Variants in CCDC85A observed in about 807,000 individuals in gnomAD.
CCDC85A encodes coiled-coil domain containing 85A.
A neutral mutation model predicts 50.2 loss-of-function variants in CCDC85A; 38 were observed. The observed-to-expected ratio is 0.76, with a 90% CI of 0.58 to 0.99. The LOEUF (loss-of-function observed/expected upper bound fraction) is 0.99, where lower values mean the gene tolerates loss of function less well. CCDC85A is among the 50% of genes least tolerant of loss of function. CCDC85A has a pLI of 0.00. For missense variants in CCDC85A, 820 were observed against 742.0 expected (o/e 1.11, Z -1.22); for synonymous variants, 366 against 301.4 (o/e 1.21, Z -2.22).
intron 2 of CCDC85A, among the ~76,000 whole-genome samples, chr2:56,230,030 A>G (rs1668711847): frequency 1.3e-5 from 2 of 152,220 alleles, no homozygotes; most frequent in African/African-American, 2.4e-5. Context: ...CAGTAAAATT[A>G]TGCTTGAGTA....
intron 2 of CCDC85A, among the ~76,000 whole-genome samples, chr2:56,300,525 C>G (rs913403840): frequency 6.6e-6 from 1 of 152,110 alleles, no homozygotes; most frequent in African/African-American, 2.4e-5. Flanking sequence ...AAGAAGCTTA[C>G]TCTAGAATCT....
At chr2:56,372,555 A>T in intron 4 of CCDC85A, 77 bp downstream of exon 4, 4 of 1,370,462 alleles carry the variant, frequency 2.9e-6, no homozygotes, top group Non-Finnish European at 3.8e-6. Flanking sequence ...AAAAAGTTAT[A>T]CTGGGGGGTA....
chr2:56,307,175 TGC>T (rs1672482820), intron 2 of CCDC85A, among the ~76,000 whole-genome samples: 1 of 152,184 alleles, frequency 6.6e-6, no homozygotes, highest in East Asian at 1.9e-4. Flanking sequence ...ATAAATAAAC[TGC>T]TTTCAAACTC....
At chr2:56,278,908 G>A in intron 2 of CCDC85A, among the ~76,000 whole-genome samples, 1 of 152,266 alleles carries the variant, frequency 6.6e-6, no homozygotes, top group African/African-American at 2.4e-5. Flanking sequence ...TTTCTTCCAG[G>A]TTACTTTCTC....
At chr2:56,297,345 G>A (rs1671998014) in intron 2 of CCDC85A, among the ~76,000 whole-genome samples, 1 of 150,986 alleles carries the variant, frequency 6.6e-6, no homozygotes, top group African/African-American at 2.4e-5. Context: ...GTGCTTTGAA[G>A]ACCACATCTT....
chr2:56,305,906 A>G (rs1030644691), intron 2 of CCDC85A, among the ~76,000 whole-genome samples: 1 of 152,214 alleles, frequency 6.6e-6, no homozygotes, highest in Non-Finnish European at 1.5e-5. Flanking sequence ...CAAAGTGACA[A>G]TGTGAAGATT....
chr2:56,261,378 C>G (rs1670212130), intron 2 of CCDC85A, among the ~76,000 whole-genome samples: 1 of 152,222 alleles, frequency 6.6e-6, no homozygotes, highest in Non-Finnish European at 1.5e-5. Flanking sequence ...CAAAGTGACT[C>G]TGGCACAGCC....
At chr2:56,221,808 C>T (rs1357499560) in intron 2 of CCDC85A, among the ~76,000 whole-genome samples, 1 of 152,056 alleles carries the variant, frequency 6.6e-6, no homozygotes, top group Non-Finnish European at 1.5e-5. Context: ...TTTCTTACTA[C>T]ATGTGTTATC....
At chr2:56,285,171 A>G (rs917054572) in intron 2 of CCDC85A, among the ~76,000 whole-genome samples, 1 of 150,322 alleles carries the variant, frequency 6.7e-6, no homozygotes, top group Non-Finnish European at 1.5e-5. Flanking sequence ...GCACAATCTC[A>G]GCTCACTGCA....
intron 2 of CCDC85A, among the ~76,000 whole-genome samples, chr2:56,327,298 G>C (rs1468330269): frequency 6.6e-6 from 1 of 152,120 alleles, no homozygotes; most frequent in East Asian, 1.9e-4. Context: ...ATTCATGTTT[G>C]ATTACTGAAA....
At chr2:56,289,951 G>C (rs111246817) in intron 2 of CCDC85A, among the ~76,000 whole-genome samples, 1,614 of 152,058 alleles carry the variant, frequency 0.011, 28 homozygotes, top group African/African-American at 0.035. Context: ...CTTGTCTCTG[G>C]TACTAGGCTA....
At chr2:56,316,078 A>G (rs916475022) in intron 2 of CCDC85A, among the ~76,000 whole-genome samples, 1 of 152,120 alleles carries the variant, frequency 6.6e-6, no homozygotes, top group South Asian at 2.1e-4. Flanking sequence ...TTGGCAAGGA[A>G]CATAGTGTCA....
chr2:56,231,800 C>T (rs1668786364), intron 2 of CCDC85A, among the ~76,000 whole-genome samples: 1 of 152,154 alleles, frequency 6.6e-6, no homozygotes. Flanking sequence ...GTTTTCACTT[C>T]TCACTACCTG....
chr2:56,370,742 G>A (rs1676030852), intron 3 of CCDC85A, among the ~76,000 whole-genome samples: 1 of 152,032 alleles, frequency 6.6e-6, no homozygotes, highest in Non-Finnish European at 1.5e-5. Context: ...GATTTCATGG[G>A]TATGATGATA....
chr2:56,288,250 G>A (rs532248650), intron 2 of CCDC85A, among the ~76,000 whole-genome samples: 2 of 151,088 alleles, frequency 1.3e-5, no homozygotes, highest in South Asian at 4.2e-4. Context: ...GACTCACAAA[G>A]CTTTATCTTC....
At chr2:56,240,873 T>C (rs1669226681) in intron 2 of CCDC85A, among the ~76,000 whole-genome samples, 1 of 152,182 alleles carries the variant, frequency 6.6e-6, no homozygotes. Flanking sequence ...GTGTGAACTG[T>C]TGTTTTAAAT....
At chr2:56,350,644 G>A (rs1674871779) in intron 3 of CCDC85A, among the ~76,000 whole-genome samples, 2 of 151,984 alleles carry the variant, frequency 1.3e-5, no homozygotes, top group African/African-American at 4.8e-5. Flanking sequence ...CAGTAGAGCA[G>A]TCTTACTTTG....
At chr2:56,295,156 A>G (rs921779630) in intron 2 of CCDC85A, among the ~76,000 whole-genome samples, 2 of 152,108 alleles carry the variant, frequency 1.3e-5, no homozygotes, top group African/African-American at 2.4e-5. Flanking sequence ...TTAATGAATC[A>G]GACACCTCCC....
At chr2:56,316,046 A>G (rs983081206) in intron 2 of CCDC85A, among the ~76,000 whole-genome samples, 1 of 152,120 alleles carries the variant, frequency 6.6e-6, no homozygotes, top group Non-Finnish European at 1.5e-5. Context: ...TGGTGTTGGG[A>G]CACCTGGATT....
Sources: allele counts gnomAD v4.1 joint callset (sites outside exome capture counted in the v4.1 genomes callset), GRCh38; gene constraint gnomAD v4.1.1; transcripts MANE v1.5; gene names NCBI Gene and HGNC (gene_info 2026-07-23, HGNC 2026-07-21).